Variants in RANGAP1 observed in about 807,000 individuals in gnomAD.
The protein encoded by RANGAP1 is Ran GTPase activating protein 1, also known as ran GTPase-activating protein 1.
RANGAP1 carries 38 observed loss-of-function variants against 63.5 expected under a neutral mutation model. The ratio of observed to expected loss-of-function variants is 0.60; its 90% CI spans 0.46 to 0.78. The LOEUF (loss-of-function observed/expected upper bound fraction) is 0.78, where lower values mean the gene tolerates loss of function less well. RANGAP1 is among the 30% of genes least tolerant of loss of function. The probability of loss-of-function intolerance (pLI) is 0.00; values close to 1 mark genes in which losing one functional copy is unlikely to be tolerated. For synonymous variants in RANGAP1, 329 were observed against 310.5 expected, an observed-to-expected ratio of 1.06 and a Z score of -0.63; for missense variants, 630 against 740.3, an observed-to-expected ratio of 0.85 and a Z score of 1.73.
Position 41,257,760 on chromosome 22 carries a change from C to A in RANGAP1, c.774+188G>T, listed in dbSNP as rs779460308. Among the ~76,000 whole-genome samples the A allele has an allele frequency of 6.6e-6, 1 of 152,176 alleles. No individual in the cohort carries two copies. The highest frequency in any genetic ancestry group is 1.5e-5 in the Non-Finnish European group (1 of 68,038). ...AAGAATCAGAGCTGCCCGAGGAGGG[C>A]GTGGGTTACCTTGGGACCTGCAACC... On this transcript the variant is annotated intron_variant, in intron 7 of 15. Transcript: ENST00000356244. This position sits in a 1 kb window ranked among gnomAD's most constrained non-coding sequence, Gnocchi z 4.0.
At chr22:41,284,586 C>T (rs1213510134) in intron 1 of RANGAP1, among the ~76,000 whole-genome samples, 1 of 151,416 alleles carries the variant, frequency 6.6e-6, no homozygotes, top group Non-Finnish European at 1.5e-5. Flanking sequence ...AAAAAATTAA[C>T]CAGAGTCGGG....
upstream of RANGAP1, among the ~76,000 whole-genome samples, chr22:41,288,882 C>T (rs1030562507): frequency 1.3e-5 from 2 of 151,562 alleles, no homozygotes; most frequent in African/African-American, 4.9e-5. Context: ...CCTGACAGCA[C>T]CCCCTAGCAA....
intron 1 of RANGAP1, among the ~76,000 whole-genome samples, chr22:41,283,375 G>A (rs971494499): frequency 6.6e-6 from 1 of 152,102 alleles, no homozygotes; most frequent in Non-Finnish European, 1.5e-5. Context: ...TGGGCGTGGT[G>A]GCACACGCCT....
intron 15 of RANGAP1, among the ~76,000 whole-genome samples, chr22:41,248,630 G>A (rs1026704470): frequency 7.9e-5 from 12 of 152,352 alleles, no homozygotes; most frequent in African/African-American, 2.9e-4. Context: ...CTAACCCCCC[G>A]GTTGGACAAA....
At chr22:41,286,765 G>T (rs2035763132), upstream of RANGAP1, among the ~76,000 whole-genome samples, 1 of 152,212 alleles carries the variant, frequency 6.6e-6, no homozygotes, top group Non-Finnish European at 1.5e-5. Context: ...AACATCAACA[G>T]CAGGACAAGC....
rs2033551912 is a variant in RANGAP1 at position 41,252,752 on chromosome 22, G to C, written c.1380+120C>G. Reference sequence around the variant, plus strand: ...GCGTGTTGTAACAGTGGCAGGCCAAGCCTCCCTGCCCCCAGCTGACAGCGT... The same window carrying C: ...GCGTGTTGTAACAGTGGCAGGCCAACCCTCCCTGCCCCCAGCTGACAGCGT... On this transcript the variant is annotated intron_variant, in intron 12 of 15. Coordinates refer to ENST00000356244, the MANE Select transcript of RANGAP1 (RefSeq NM_002883.4). 1.3e-5 allele frequency: 15 copies of C among 1,196,386 alleles called. No homozygotes were observed. In the South Asian group the frequency reaches 3.1e-4, roughly 25 times the overall value. 74.1% of individuals were successfully genotyped at this position (1,196,386 alleles called of 1,614,324 possible).
chr22:41,245,102 C>T lies in RANGAP1; in HGVS notation c.*1501G>A, dbSNP rs1006356417. ...TGCCAGCCCCACACCCACCCCCTACCGTATCAACTCACACAGAAGACAGGG... is the reference window on the plus strand; with the variant it reads ...TGCCAGCCCCACACCCACCCCCTACTGTATCAACTCACACAGAAGACAGGG... On this transcript the variant is annotated 3_prime_UTR_variant, in exon 16 of 16. Transcript: ENST00000356244. 6.6e-6 allele frequency among the ~76,000 whole-genome samples: 1 copy of T among 152,232 alleles called. No individual in the cohort carries two copies. Among genetic ancestry groups the T allele is most frequent in the Non-Finnish European group, 1.5e-5 (1 of 68,046 alleles).
At chr22:41,298,530 G>A in the RANGAP1 span, among the ~76,000 whole-genome samples, 7 of 151,622 alleles carry the variant, frequency 4.6e-5, no homozygotes, top group African/African-American at 1.7e-4. Context: ...GGTCAGGCTG[G>A]TCTCAAGCTC....
intron 2 of RANGAP1, 136 bp from the exon 3 acceptor site, chr22:41,274,863 A>T: frequency 8.9e-7 from 1 of 1,118,350 alleles, no homozygotes; most frequent in Non-Finnish European, 1.3e-6. Context: ...CTTACAGAGA[A>T]TCAGACAGGC....
intron 15 of RANGAP1, among the ~76,000 whole-genome samples, chr22:41,247,130 A>G (rs1321382325): frequency 1.3e-5 from 2 of 149,968 alleles, no homozygotes; most frequent in Non-Finnish European, 3.0e-5. Flanking sequence ...ATCTCGGCTC[A>G]CTGCAAGCTC....
chr22:41,253,979 G>T (rs1352895236), intron 11 of RANGAP1, among the ~76,000 whole-genome samples: 7 of 151,886 alleles, frequency 4.6e-5, no homozygotes, highest in African/African-American at 1.7e-4. Context: ...GTGGTGGCAA[G>T]CATCTGTAAT....
At chr22:41,256,150 A>G in intron 9 of RANGAP1, 41 bp downstream of exon 9, 1 of 1,613,644 alleles carries the variant, frequency 6.2e-7, no homozygotes, top group South Asian at 1.1e-5. Context: ...TGCCAGGGCC[A>G]GCCTAGCAGA....
At chr22:41,278,653 C>G (rs570763003) in intron 2 of RANGAP1, among the ~76,000 whole-genome samples, 76 of 152,304 alleles carry the variant, frequency 5.0e-4, no homozygotes, top group African/African-American at 1.8e-3. Flanking sequence ...AATGTGTGAC[C>G]TTGGTCAAGT....
chr22:41,248,615 C>A (rs1428712483), intron 15 of RANGAP1, among the ~76,000 whole-genome samples: 1 of 152,244 alleles, frequency 6.6e-6, no homozygotes, highest in African/African-American at 2.4e-5. Flanking sequence ...TGGAGACAAT[C>A]TCACCTAACC....
At chr22:41,269,766 G>A (rs368551809) in intron 3 of RANGAP1, among the ~76,000 whole-genome samples, 2 of 150,354 alleles carry the variant, frequency 1.3e-5, no homozygotes, top group African/African-American at 4.9e-5. Context: ...AGCTGGAAGA[G>A]AAAAATTTGA....
intron 4 of RANGAP1, among the ~76,000 whole-genome samples, chr22:41,266,610 T>C (rs1470123888): frequency 2.0e-5 from 3 of 152,224 alleles, no homozygotes; most frequent in Non-Finnish European, 4.4e-5. Flanking sequence ...CTCAGCTCAC[T>C]GCAACCTTCA....
intron 2 of RANGAP1, among the ~76,000 whole-genome samples, chr22:41,276,272 T>C (rs1452496394): frequency 2.0e-5 from 3 of 152,200 alleles, no homozygotes; most frequent in Non-Finnish European, 4.4e-5. Context: ...TTTTTAACTA[T>C]TTGAAGTAAA....
chr22:41,269,491 T>C (rs1339162544), intron 3 of RANGAP1, among the ~76,000 whole-genome samples: 1 of 151,976 alleles, frequency 6.6e-6, no homozygotes, highest in African/African-American at 2.4e-5. Context: ...TCCCAGCACC[T>C]TGGGAGGCGG....
At chr22:41,267,837 C>A (rs1024114295) in intron 4 of RANGAP1, among the ~76,000 whole-genome samples, 3 of 152,080 alleles carry the variant, frequency 2.0e-5, no homozygotes, top group African/African-American at 7.2e-5. Flanking sequence ...TCAGGAGGAC[C>A]CAGGAGTGCA....
Sources: gnomAD v4.1 joint callset for allele counts (sites outside exome capture counted in the v4.1 genomes callset) on GRCh38, gnomAD v4.1.1 for gene constraint, Gnocchi (gnomAD v3.1) non-coding constraint, MANE v1.5 for transcripts, NCBI Gene and HGNC (gene_info 2026-07-23, HGNC 2026-07-21) for gene names.